The following R3HDM1 variants were observed in gnomAD, a reference collection of about 807,000 sequenced individuals.
R3HDM1 encodes R3H domain-containing protein 1.
Under a neutral mutation model 141.1 loss-of-function variants are expected in R3HDM1, and 46 were observed. That is an observed-to-expected ratio of 0.33 (90% CI 0.26 to 0.42). R3HDM1 has a LOEUF of 0.42. R3HDM1 is among the 10% of genes least tolerant of loss of function. R3HDM1 has a pLI of 1.00. For synonymous variants in R3HDM1, 435 were observed against 472.9 expected (o/e 0.92, Z 1.04); for missense variants, 1,184 against 1,368.3 (o/e 0.87, Z 2.12).
chr2:135,587,301 G>A (rs936087789), intron 1 of R3HDM1, among the ~76,000 whole-genome samples: 3 of 152,040 alleles, frequency 2.0e-5, no homozygotes, highest in Admixed American at 2.0e-4. Context: ...TGAGAGTTTT[G>A]CTTGCTTTTT....
chr2:135,623,257 A>G (rs567148350), intron 7 of R3HDM1, among the ~76,000 whole-genome samples: 1 of 152,300 alleles, frequency 6.6e-6, no homozygotes, highest in Admixed American at 6.5e-5. Context: ...ACTCATAAGC[A>G]CTTTGAGACA....
At chr2:135,681,149 C>G (rs1360924549) in intron 21 of R3HDM1, among the ~76,000 whole-genome samples, 1 of 152,144 alleles carries the variant, frequency 6.6e-6, no homozygotes, top group Non-Finnish European at 1.5e-5. Context: ...AAATACTAAT[C>G]TTTCATTGAA....
intron 20 of R3HDM1, among the ~76,000 whole-genome samples, chr2:135,675,766 C>T (rs2069084837): frequency 6.6e-6 from 1 of 152,102 alleles, no homozygotes; most frequent in Admixed American, 6.6e-5. Context: ...TATTGTCTAG[C>T]ATTGTCTTAT....
chr2:135,709,335 A>G (rs2075347692), intron 21 of R3HDM1, 98 bp from the exon 22 acceptor site: 1 of 1,508,406 alleles, frequency 6.6e-7, no homozygotes, highest in African/African-American at 1.4e-5. Context: ...GGCCTCCCAA[A>G]GTGCTGGGAT....
At position 135,622,371 on chromosome 2, in the gene R3HDM1, T is replaced by A. The variant is rs1338501488; in HGVS notation, c.419-283T>A. 6 of 984,198 alleles carry A rather than the reference T, an allele frequency of 6.1e-6. No homozygotes were observed. In the South Asian group the frequency reaches 2.4e-4, roughly 39 times the overall value. 61.0% of individuals were successfully genotyped at this position (984,198 alleles called of 1,614,324 possible). On this transcript the variant is annotated intron_variant, in intron 6 of 26. Coordinates refer to ENST00000683871, the MANE Select transcript of R3HDM1 (RefSeq NM_001378107.1). ...AGGTTGTGGTGAGTATATAAAAGGA[T>A]CTTTAAAGAATTTAGAGGAAATTAA...
chr2:135,677,632 T>C (rs927909377), intron 20 of R3HDM1, among the ~76,000 whole-genome samples: 9 of 152,332 alleles, frequency 5.9e-5, no homozygotes, highest in African/African-American at 2.2e-4. Flanking sequence ...TTTTACACCA[T>C]ACATTTTTAC....
rs376590914 is a variant in R3HDM1 at position 135,631,086 on chromosome 2, CTCT to C, written c.498-625_498-623del. Reference sequence around the variant, plus strand: ...AGTTTATAGAATGGGTTGAAATATCCTCTTCTTCTAAATTAGCGATATAATTAA... The same window carrying C: ...AGTTTATAGAATGGGTTGAAATATCCTCTTCTAAATTAGCGATATAATTAA... On this transcript the variant is annotated intron_variant, in intron 7 of 26. Coordinates refer to ENST00000683871, the MANE Select transcript of R3HDM1 (RefSeq NM_001378107.1). Among the ~76,000 whole-genome samples the C allele has an allele frequency of 5.9e-3, 903 of 152,068 alleles. 11 individuals are homozygous for C. The highest frequency in any genetic ancestry group is 0.02 in the African/African-American group (822 of 41,474).
rs770958410 is a variant in R3HDM1, at chr2:135,604,771, A to G, written c.-40-35A>G. On this transcript the variant is annotated intron_variant, in intron 2 of 26. Transcript: ENST00000683871. ...GTATCATGCAGTAACTGAATGTAAAAAAGTTTCAAACTGTATTAATTTTTT... is the reference window on the plus strand; with the variant it reads ...GTATCATGCAGTAACTGAATGTAAAGAAGTTTCAAACTGTATTAATTTTTT... 2.0e-6 allele frequency: 3 copies of G among 1,497,054 alleles called. No homozygotes were observed. In the Admixed American group the frequency reaches 5.1e-5, roughly 25 times the overall value. The allele number at this position is 1,497,054 out of a possible 1,614,324, so 92.7% of individuals were successfully genotyped here. A position where few individuals can be genotyped will look rare whatever the true frequency, so the allele number is the denominator to read the frequency against.
At chr2:135,707,429 A>G (rs1259383611) in intron 21 of R3HDM1, among the ~76,000 whole-genome samples, 3 of 152,228 alleles carry the variant, frequency 2.0e-5, no homozygotes, top group Non-Finnish European at 4.4e-5. Context: ...CCTGGAACTC[A>G]TTTACATAAT....
At chr2:135,627,710 G>A (rs60161420) in intron 7 of R3HDM1, among the ~76,000 whole-genome samples, 11,809 of 152,044 alleles carry the variant, frequency 0.078, 1,518 homozygotes, top group African/African-American at 0.27. Context: ...TCTAGGGAAC[G>A]TCACGTATTT....
chr2:135,715,436 T>G, intron 23 of R3HDM1, 114 bp from the exon 24 acceptor site: 1 of 1,198,760 alleles, frequency 8.3e-7, no homozygotes, highest in Non-Finnish European at 1.1e-6. Flanking sequence ...GCAGATCACA[T>G]GCTTCTATAA....
At chr2:135,584,392 C>G (rs1203815508) in intron 1 of R3HDM1, 1 of 940,096 alleles carries the variant, frequency 1.1e-6, no homozygotes, top group Non-Finnish European at 1.3e-6. Context: ...GTTTTCATTA[C>G]CTGACCTCGG....
chr2:135,621,650 A>G (rs773769851), intron 6 of R3HDM1, 42 bp downstream of exon 6: 127 of 1,485,384 alleles, frequency 8.5e-5, no homozygotes, highest in Non-Finnish European at 1.1e-4. Flanking sequence ...AAATTTTGCT[A>G]TCAGTAATTC....
chr2:135,593,614 TGC>T (rs1223384029), intron 1 of R3HDM1, among the ~76,000 whole-genome samples: 1 of 152,244 alleles, frequency 6.6e-6, no homozygotes, highest in African/African-American at 2.4e-5. Context: ...TGCTAGTGTT[TGC>T]CACGAATTAG....
At chr2:135,645,243 C>A in intron 15 of R3HDM1, 136 bp from the exon 16 acceptor site, 1 of 731,600 alleles carries the variant, frequency 1.4e-6, no homozygotes, top group South Asian at 2.2e-5. Context: ...CTAAGGAAAT[C>A]TTTGTTTTCA....
chr2:135,667,540 T>G (rs1479448253), intron 19 of R3HDM1: 1 of 691,596 alleles, frequency 1.4e-6, no homozygotes. Context: ...TTCCTCTACT[T>G]TCCAGATTAA....
intron 1 of R3HDM1, chr2:135,586,852 CT>C (rs1708050286): frequency 3.0e-6 from 3 of 985,136 alleles, no homozygotes; most frequent in Non-Finnish European, 3.6e-6. Flanking sequence ...GGAAAAATGA[CT>C]TCTCTTTCAA....
At position 135,702,271 on chromosome 2, in the gene R3HDM1, C is replaced by G. The variant is rs376206776; in HGVS notation, c.2460-7162C>G. ...GGCGCAGTGGCTCATGCTGGTAATC[C>G]CAGCATTTTTGGAGGCCAAGGTGGT... is the stretch of plus-strand genomic sequence containing the variant. On this transcript the variant is annotated intron_variant, in intron 21 of 26. Coordinates refer to ENST00000683871, the MANE Select transcript of R3HDM1 (RefSeq NM_001378107.1). 9.6e-5 allele frequency among the ~76,000 whole-genome samples: 14 copies of G among 145,232 alleles called. No homozygotes were observed. The East Asian group carries it at 2.3e-3, about 23-fold the overall frequency.
intron 7 of R3HDM1, among the ~76,000 whole-genome samples, chr2:135,625,789 A>G (rs1334729952): frequency 6.6e-6 from 1 of 152,154 alleles, no homozygotes; most frequent in Non-Finnish European, 1.5e-5. Context: ...ACAGATTCAG[A>G]GGGCTTCCCG....
Sources: allele counts gnomAD v4.1 joint callset (sites outside exome capture counted in the v4.1 genomes callset), GRCh38; gene constraint gnomAD v4.1.1; transcripts MANE v1.5; gene names NCBI Gene and HGNC (gene_info 2026-07-23, HGNC 2026-07-21).